KIF5C: variants seen among roughly 807,000 people sequenced by gnomAD.
KIF5C encodes the protein kinesin heavy chain isoform 5C.
KIF5C carries 18 observed loss-of-function variants against 125.2 expected under a neutral mutation model. That is an observed-to-expected ratio of 0.14 (90% CI 0.10 to 0.21). The LOEUF (loss-of-function observed/expected upper bound fraction) is 0.21, where lower values mean the gene tolerates loss of function less well. Among genes scored for constraint, KIF5C ranks in the 10% least tolerant of loss-of-function variants. The pLI is 1.00. For missense variants in KIF5C, 780 were observed against 1,183.8 expected (o/e 0.66, Z 5.01); for synonymous variants, 405 against 434.0 (o/e 0.93, Z 0.83).
intron 1 of KIF5C, chr2:148,888,754 A>G (rs1423126167): frequency 1.3e-5 from 2 of 150,638 alleles, no homozygotes; most frequent in Admixed American, 1.3e-4. Flanking sequence ...TATTTTTTCT[A>G]TCCTCCTTTC....
chr2:148,897,912 CA>C (rs1435574331), intron 1 of KIF5C, among the ~76,000 whole-genome samples: 2 of 65,654 alleles, frequency 3.0e-5, no homozygotes, highest in Admixed American at 2.6e-4. Flanking sequence ...GAGTAAGACT[CA>C]GTCTCAAAAA....
chr2:148,911,116 A>G (rs1356181753), intron 1 of KIF5C, among the ~76,000 whole-genome samples: 3 of 152,222 alleles, frequency 2.0e-5, no homozygotes, highest in African/African-American at 7.2e-5. Flanking sequence ...CTCAGAGTTC[A>G]GGATGGACTT....
chr2:148,990,040 C>T (rs776805537), intron 15 of KIF5C, among the ~76,000 whole-genome samples: 6 of 151,784 alleles, frequency 4.0e-5, no homozygotes, highest in Admixed American at 2.0e-4. Flanking sequence ...TGTGTTTCTG[C>T]GCTGGATTCT....
In KIF5C at chr2:148,908,854, A is replaced by T. The variant is rs114033862; in HGVS notation, c.127-13283A>T. Among the ~76,000 whole-genome samples, 1,066 of 152,278 alleles carry T rather than the reference A, an allele frequency of 7.0e-3. 6 individuals carry two copies. Among genetic ancestry groups the T allele is most frequent in the African/African-American group, 0.024 (994 of 41,552 alleles). ...CATTTTTTAAAGCTGATTCTTTTTTAAAAAAATTAGACATCACTCTTACAG... is the reference window on the plus strand; with the variant it reads ...CATTTTTTAAAGCTGATTCTTTTTTTAAAAAATTAGACATCACTCTTACAG... On this transcript the variant is annotated intron_variant, in intron 1 of 25. Coordinates refer to ENST00000435030, the MANE Select transcript of KIF5C (RefSeq NM_004522.3).
intron 17 of KIF5C, among the ~76,000 whole-genome samples, chr2:148,996,595 G>C (rs555502095): frequency 1.3e-5 from 2 of 152,332 alleles, no homozygotes; most frequent in South Asian, 4.1e-4. Flanking sequence ...CTCCCCAGCT[G>C]GGGCTGCCCA....
intron 1 of KIF5C, 69 bp downstream of exon 1, chr2:148,875,812 G>A (rs1374063921): frequency 7.8e-6 from 12 of 1,540,432 alleles, no homozygotes; most frequent in African/African-American, 1.4e-5. Context: ...CGCCCCAGAC[G>A]CAGCGGAGGT....
At chr2:148,894,356 C>A (rs1489640667) in intron 1 of KIF5C, among the ~76,000 whole-genome samples, 1 of 152,098 alleles carries the variant, frequency 6.6e-6, no homozygotes, top group African/African-American at 2.4e-5. Flanking sequence ...CTTTTTGCAA[C>A]TTGCTAGTCA....
chr2:148,976,800 CG>C (rs1223914249), intron 12 of KIF5C, among the ~76,000 whole-genome samples: 2 of 151,674 alleles, frequency 1.3e-5, no homozygotes, highest in Non-Finnish European at 2.9e-5. Context: ...AGGCTGGTCT[CG>C]GACTCCTGGG....
chr2:148,897,232 T>C (rs1233865380), intron 1 of KIF5C, among the ~76,000 whole-genome samples: 1 of 152,238 alleles, frequency 6.6e-6, no homozygotes, highest in Non-Finnish European at 1.5e-5. Flanking sequence ...ACTGTTAATA[T>C]ATGTGATGTC....
chr2:149,010,202 C>T lies in KIF5C; in HGVS notation c.2618C>T (p.Ala873Val), dbSNP rs377483994. 86 of 1,557,818 alleles carry T rather than the reference C, an allele frequency of 5.5e-5. No homozygotes were observed. The highest frequency in any genetic ancestry group is 6.9e-5 in the Non-Finnish European group (79 of 1,151,374). ...PKLEKRLRAT[A>V]ERVKALESAL... ...CTGGAGAAGCGGCTGCGTGCCACGG[C>T]GGAGCGCGTCAAGGCTCTGGAGAGC... Residue 873 changes from alanine (A) to valine (V), a missense_variant, in exon 24 of 26, where the codon GCG (alanine) becomes GTG (valine). By Grantham distance (64) the Ala-to-Val change is moderately conservative. Coordinates refer to ENST00000435030, the MANE Select transcript of KIF5C (RefSeq NM_004522.3).
rs190571204 is a variant in KIF5C, at chr2:148,892,242, A to G, written c.126+16499A>G. ...TTGAGTGCACAGCATTTTCTAAACT[A>G]GAATTTCTCCGAGGCACTAGTTCTT... On this transcript the variant is annotated intron_variant, in intron 1 of 25. Coordinates refer to ENST00000435030, the MANE Select transcript of KIF5C (RefSeq NM_004522.3). Among the ~76,000 whole-genome samples the G allele has an allele frequency of 2.4e-3, 361 of 152,352 alleles. 1 individual carries two copies. Among genetic ancestry groups the G allele is most frequent in the Middle Eastern group, 0.01 (3 of 294 alleles).
chr2:148,881,091 A>G (rs765350178), intron 1 of KIF5C, among the ~76,000 whole-genome samples: 11 of 152,106 alleles, frequency 7.2e-5, no homozygotes, highest in Non-Finnish European at 1.2e-4. Context: ...TGTCTGGCAC[A>G]GAGAAAATGC....
At chr2:148,967,695 G>C (rs1041240917) in intron 11 of KIF5C, among the ~76,000 whole-genome samples, 1 of 152,156 alleles carries the variant, frequency 6.6e-6, no homozygotes, top group South Asian at 2.1e-4. Flanking sequence ...GTCTTTCTTC[G>C]AATCTGGAGG....
intron 1 of KIF5C, among the ~76,000 whole-genome samples, chr2:148,894,703 AATAT>A (rs147057942): frequency 4.1e-5 from 6 of 147,376 alleles, no homozygotes; most frequent in Admixed American, 1.4e-4. Context: ...AGTTTAGTAC[AATAT>A]ATATATATAT....
chr2:149,010,724 G>A (rs1391162024), intron 24 of KIF5C, among the ~76,000 whole-genome samples: 1 of 152,238 alleles, frequency 6.6e-6, no homozygotes, highest in Non-Finnish European at 1.5e-5. Context: ...GCACCCGGTG[G>A]GAGCATGAAG....
Position 148,950,376 on chromosome 2 carries a change from G to A in KIF5C, c.882G>A (p.Gly294=), listed in dbSNP as rs777704019. The part of the protein sequence containing the change: ...MTRILQDSLG[G]NCRTTIVICC... ...GGATTCTTCAGGACTCTTTGGGTGG[G>A]AACTGCAGAACCACCATCGTCATTT... Residue 294 remains glycine, a synonymous_variant, in exon 10 of 26, where the codon GGG becomes GGA. Coordinates refer to ENST00000435030, the MANE Select transcript of KIF5C (RefSeq NM_004522.3). The A allele has an allele frequency of 2.5e-6, 4 of 1,614,022 alleles. No individual in the cohort carries two copies. The East Asian group carries it at 8.9e-5, about 36-fold the overall frequency.
intron 22 of KIF5C, among the ~76,000 whole-genome samples, chr2:149,005,746 C>T (rs940798442): frequency 1.2e-4 from 18 of 152,136 alleles, no homozygotes; most frequent in African/African-American, 3.4e-4. Flanking sequence ...TGTGTGAGGG[C>T]AACTGCTCTT....
intron 12 of KIF5C, 79 bp downstream of exon 12, chr2:148,973,590 TGTA>T: frequency 6.8e-7 from 1 of 1,472,448 alleles, no homozygotes; most frequent in South Asian, 1.4e-5. Context: ...ATGGGGCTGA[TGTA>T]GGGCTACAGC....
At chr2:148,885,643 G>A (rs1681497220) in intron 1 of KIF5C, 1 of 152,150 alleles carries the variant, frequency 6.6e-6, no homozygotes, top group Non-Finnish European at 1.5e-5. Context: ...GCACAACACA[G>A]TATTTTAACG....
Sources: gnomAD v4.1 joint callset for allele counts (sites outside exome capture counted in the v4.1 genomes callset) on GRCh38, gnomAD v4.1.1 for gene constraint, MANE v1.5 for transcripts, NCBI Gene and HGNC (gene_info 2026-07-23, HGNC 2026-07-21) for gene names.